Variants in TACR1 observed in about 807,000 individuals in gnomAD.
TACR1 encodes the protein tachykinin receptor 1, also known as substance-P receptor.
Under a neutral mutation model 35.8 loss-of-function variants are expected in TACR1, and 25 were observed. The observed-to-expected ratio is 0.70, with a 90% confidence interval of 0.51 to 0.98. The LOEUF (loss-of-function observed/expected upper bound fraction) is 0.98. Ranked by LOEUF, TACR1 falls within the 50% of genes least tolerant of loss-of-function variation. TACR1 has a pLI of 0.00. For missense variants in TACR1, 478 were observed against 522.9 expected, an observed-to-expected ratio of 0.91 and a Z score of 0.84; for synonymous variants, 195 against 206.7, an observed-to-expected ratio of 0.94 and a Z score of 0.48.
At chr2:75,111,419 AAAG>A (rs1276560651) in intron 2 of TACR1, among the ~76,000 whole-genome samples, 1 of 152,058 alleles carries the variant, frequency 6.6e-6, no homozygotes, top group Non-Finnish European at 1.5e-5. Context: ...GGATTAATCA[AAAG>A]AAGGATTCCA....
chr2:75,184,745 T>C (rs1390103104), intron 1 of TACR1, among the ~76,000 whole-genome samples: 2 of 151,318 alleles, frequency 1.3e-5, no homozygotes, highest in African/African-American at 4.8e-5. Flanking sequence ...TAATATGATA[T>C]ATATTAGGTT....
At chr2:75,163,632 A>T (rs1675067619) in intron 1 of TACR1, among the ~76,000 whole-genome samples, 1 of 152,216 alleles carries the variant, frequency 6.6e-6, no homozygotes, top group Non-Finnish European at 1.5e-5. Flanking sequence ...GACTTATTCT[A>T]CAAAGTTGGT....
chr2:75,143,149 G>T (rs1330447717), intron 1 of TACR1, among the ~76,000 whole-genome samples: 2 of 152,218 alleles, frequency 1.3e-5, no homozygotes, highest in Non-Finnish European at 2.9e-5. Context: ...ATGAACCCAG[G>T]AGGTTTGGTT....
chr2:75,116,078 C>G (rs936885935), intron 2 of TACR1, among the ~76,000 whole-genome samples: 1 of 151,924 alleles, frequency 6.6e-6, no homozygotes, highest in African/African-American at 2.4e-5. Context: ...TTATATAAGG[C>G]ACTTTAAATT....
intron 2 of TACR1, among the ~76,000 whole-genome samples, chr2:75,060,873 G>C (rs938658557): frequency 9.2e-5 from 14 of 152,100 alleles, no homozygotes; most frequent in African/African-American, 3.1e-4. Flanking sequence ...TGGCTTGGGG[G>C]AAGAGCTGGT....
chr2:75,168,424 T>G (rs1490471224), intron 1 of TACR1, among the ~76,000 whole-genome samples: 5 of 152,228 alleles, frequency 3.3e-5, no homozygotes, highest in Non-Finnish European at 7.3e-5. Flanking sequence ...CTTTCTTAGC[T>G]GTGGTCCTAG....
At chr2:75,155,674 T>G (rs1382162152) in intron 1 of TACR1, among the ~76,000 whole-genome samples, 1 of 152,246 alleles carries the variant, frequency 6.6e-6, no homozygotes, top group Non-Finnish European at 1.5e-5. Context: ...ATATTTCTTG[T>G]GAAGCTACAT....
At chr2:75,176,449 CT>C (rs1295970823) in intron 1 of TACR1, among the ~76,000 whole-genome samples, 1 of 152,034 alleles carries the variant, frequency 6.6e-6, no homozygotes, top group Non-Finnish European at 1.5e-5. Flanking sequence ...CTTCAATCTC[CT>C]TTAAAACTTC....
intron 2 of TACR1, among the ~76,000 whole-genome samples, chr2:75,112,746 T>G (rs1169213563): frequency 1.3e-5 from 2 of 152,328 alleles, no homozygotes; most frequent in African/African-American, 4.8e-5. Context: ...TTTTGGCATT[T>G]CTTGAGACAA....
intron 2 of TACR1, among the ~76,000 whole-genome samples, chr2:75,112,106 G>A (rs1280040023): frequency 2.0e-5 from 3 of 151,848 alleles, no homozygotes; most frequent in Non-Finnish European, 4.4e-5. Context: ...AAATAGTGAT[G>A]GAATAATCCT....
chr2:75,066,547 G>C (rs774650854), intron 2 of TACR1, among the ~76,000 whole-genome samples: 1 of 152,204 alleles, frequency 6.6e-6, no homozygotes, highest in South Asian at 2.1e-4. Flanking sequence ...ATCTAGACGA[G>C]TGACTGGAAT....
At chr2:75,093,810 C>G (rs1673356314) in intron 2 of TACR1, among the ~76,000 whole-genome samples, 1 of 151,952 alleles carries the variant, frequency 6.6e-6, no homozygotes, top group African/African-American at 2.4e-5. Context: ...CATGGCTATT[C>G]CATTGATAAC....
At chr2:75,086,225 GGA>G (rs1313446968) in intron 2 of TACR1, among the ~76,000 whole-genome samples, 1 of 152,132 alleles carries the variant, frequency 6.6e-6, no homozygotes, top group African/African-American at 2.4e-5. Context: ...TATCCTCTGG[GGA>G]GACTGAGAGC....
intron 2 of TACR1, among the ~76,000 whole-genome samples, chr2:75,100,489 T>C (rs1432927176): frequency 6.6e-6 from 1 of 152,198 alleles, no homozygotes; most frequent in Non-Finnish European, 1.5e-5. Context: ...TATGACTAAC[T>C]CATATCTAAC....
At position 75,049,320 on chromosome 2, in the gene TACR1, G is replaced by T; in HGVS notation, c.*112C>A. On this transcript the variant is annotated 3_prime_UTR_variant, in exon 5 of 5. Coordinates refer to ENST00000305249, the MANE Select transcript of TACR1 (RefSeq NM_001058.4). The stretch of plus-strand genomic sequence containing the variant: ...TCCCTAACCCATACTGACCCTTTTT[G>T]CAAGTCCCAGTGTGAGGGTGTTTCT... 1 of 1,226,260 alleles carries T rather than the reference G, an allele frequency of 8.2e-7. No homozygotes were observed. The allele number at this position is 1,226,260 out of a possible 1,614,324, so 76.0% of individuals were successfully genotyped here. A position where few individuals can be genotyped will look rare whatever the true frequency, so the allele number is the denominator to read the frequency against.
intron 1 of TACR1, among the ~76,000 whole-genome samples, chr2:75,166,688 A>C (rs1455880979): frequency 2.6e-5 from 4 of 152,258 alleles, no homozygotes; most frequent in African/African-American, 9.6e-5. Context: ...TGAGTGGGCT[A>C]GAGATTGTGG....
intron 2 of TACR1, among the ~76,000 whole-genome samples, chr2:75,107,164 A>G (rs578212529): frequency 1.3e-5 from 2 of 152,064 alleles, no homozygotes; most frequent in Non-Finnish European, 2.9e-5. Flanking sequence ...AGATATAAAT[A>G]TATTTTCTGT....
chr2:75,179,153 C>A (rs1398340863), intron 1 of TACR1, among the ~76,000 whole-genome samples: 3 of 152,208 alleles, frequency 2.0e-5, no homozygotes, highest in Non-Finnish European at 2.9e-5. Flanking sequence ...TTCCAGTCTT[C>A]CCCATCTCTG....
At chr2:75,180,391 C>T (rs769025945) in intron 1 of TACR1, among the ~76,000 whole-genome samples, 1 of 152,060 alleles carries the variant, frequency 6.6e-6, no homozygotes, top group Non-Finnish European at 1.5e-5. Flanking sequence ...TGTATACTTG[C>T]CCTTTTCTAT....
Sources: allele counts gnomAD v4.1 joint callset (sites outside exome capture counted in the v4.1 genomes callset), GRCh38; gene constraint gnomAD v4.1.1; transcripts MANE v1.5; gene names NCBI Gene and HGNC (gene_info 2026-07-23, HGNC 2026-07-21).